FGGY: variants seen among roughly 807,000 people sequenced by gnomAD.
The protein encoded by FGGY is FGGY carbohydrate kinase domain containing.
In FGGY, 72 loss-of-function variants were observed where a neutral mutation model predicts 71.3. The ratio of observed to expected loss-of-function variants is 1.01; its 90% CI spans 0.84 to 1.23. FGGY has a LOEUF of 1.23. Among genes scored for constraint, FGGY ranks in the 50% most tolerant of loss-of-function variants. The pLI is 0.00. For synonymous variants in FGGY, 251 were observed against 250.3 expected (o/e 1.00, Z -0.02); for missense variants, 668 against 682.3 (o/e 0.98, Z 0.23).
intron 14 of FGGY, among the ~76,000 whole-genome samples, chr1:59,693,214 A>G (rs1289499976): frequency 6.6e-6 from 1 of 152,258 alleles, no homozygotes; most frequent in African/African-American, 2.4e-5. Flanking sequence ...CGTGCTAGAA[A>G]GAGTTTGCAT....
intron 6 of FGGY, among the ~76,000 whole-genome samples, chr1:59,493,096 A>AACAC (rs3035371): frequency 0.3 from 42,867 of 142,956 alleles, 6,820 homozygotes; most frequent in East Asian, 0.51. Context: ...TACCAAACAA[A>AACAC]ACACACACAC....
At chr1:59,496,039 T>C (rs2094019706) in intron 6 of FGGY, among the ~76,000 whole-genome samples, 1 of 152,230 alleles carries the variant, frequency 6.6e-6, no homozygotes, top group African/African-American at 2.4e-5. Context: ...GGCAGTTTGA[T>C]GGGAATAGCA....
rs542472202 is a variant in FGGY, at chr1:59,522,556, G to A, written c.799+10117G>A. The stretch of plus-strand genomic sequence containing the variant: ...TGGGATGCGTAGCTATTGGGGTTGT[G>A]TGGTGGAGAGATAAACAATATTAAT... On this transcript the variant is annotated intron_variant, in intron 7 of 15. Coordinates refer to ENST00000303721, the MANE Select transcript of FGGY (RefSeq NM_018291.5). 6.6e-5 allele frequency among the ~76,000 whole-genome samples: 10 copies of A among 152,290 alleles called. No homozygotes were observed. In the South Asian group the frequency reaches 1.5e-3, roughly 22 times the overall value.
chr1:59,659,635 T>C (rs2097256171), intron 11 of FGGY, among the ~76,000 whole-genome samples: 1 of 152,190 alleles, frequency 6.6e-6, no homozygotes, highest in Non-Finnish European at 1.5e-5. Flanking sequence ...GGCATCCTGT[T>C]CAGTTCTGGA....
intron 7 of FGGY, among the ~76,000 whole-genome samples, chr1:59,536,885 A>G (rs1180266682): frequency 6.6e-6 from 1 of 152,112 alleles, no homozygotes; most frequent in South Asian, 2.1e-4. Flanking sequence ...CCCACAGCCA[A>G]TATCATACTG....
intron 14 of FGGY, among the ~76,000 whole-genome samples, chr1:59,711,523 T>G (rs749196335): frequency 6.6e-6 from 1 of 152,216 alleles, no homozygotes; most frequent in Non-Finnish European, 1.5e-5. Flanking sequence ...TGGATAGAGC[T>G]CTGTGCATTG....
intron 8 of FGGY, among the ~76,000 whole-genome samples, chr1:59,606,881 ATTTG>A (rs2096628983): frequency 6.9e-6 from 1 of 144,740 alleles, no homozygotes; most frequent in African/African-American, 2.9e-5. Context: ...ACTATATTCT[ATTTG>A]TCTATTTTTT....
chr1:59,490,776 T>C (rs2093805922), intron 6 of FGGY, among the ~76,000 whole-genome samples: 1 of 152,098 alleles, frequency 6.6e-6, no homozygotes, highest in Admixed American at 6.6e-5. Context: ...TTGACAAGAC[T>C]GTCCTTTCAA....
intron 14 of FGGY, among the ~76,000 whole-genome samples, chr1:59,707,462 T>C (rs947662370): frequency 1.1e-4 from 17 of 152,312 alleles, no homozygotes; most frequent in African/African-American, 1.7e-4. Context: ...ACAGGGGCAG[T>C]AGGCCCGGAG....
At chr1:59,731,987 A>G (rs2098037160) in intron 14 of FGGY, among the ~76,000 whole-genome samples, 1 of 152,186 alleles carries the variant, frequency 6.6e-6, no homozygotes, top group East Asian at 1.9e-4. Flanking sequence ...TCTTGCACAG[A>G]GTAGCATCAG....
At chr1:59,665,877 A>G (rs756559890) in intron 12 of FGGY, among the ~76,000 whole-genome samples, 14 of 152,082 alleles carry the variant, frequency 9.2e-5, no homozygotes, top group East Asian at 3.9e-4. Context: ...GTTTCACCAT[A>G]TTAGCCAGGA....
intron 14 of FGGY, among the ~76,000 whole-genome samples, chr1:59,704,023 G>A (rs925032089): frequency 6.6e-6 from 1 of 152,136 alleles, no homozygotes; most frequent in Non-Finnish European, 1.5e-5. Context: ...AATCACTCTG[G>A]TTCATGATTC....
At chr1:59,605,653 T>A (rs1024732167) in intron 8 of FGGY, among the ~76,000 whole-genome samples, 1 of 152,230 alleles carries the variant, frequency 6.6e-6, no homozygotes, top group Non-Finnish European at 1.5e-5. Flanking sequence ...AAGTTCACAA[T>A]GTTATGCTGT....
chr1:59,592,118 G>A (rs1016828683), intron 8 of FGGY, among the ~76,000 whole-genome samples: 1 of 152,058 alleles, frequency 6.6e-6, no homozygotes, highest in East Asian at 1.9e-4. Context: ...TCAAAAAGTG[G>A]GCAAAGGACA....
chr1:59,664,704 A>G (rs1046226592), intron 12 of FGGY, among the ~76,000 whole-genome samples: 11 of 152,262 alleles, frequency 7.2e-5, no homozygotes, highest in Non-Finnish European at 1.0e-4. Context: ...TAAAGTGCAT[A>G]GCAGAGTGCC....
At chr1:59,543,707 CT>C (rs557411568) in intron 7 of FGGY, among the ~76,000 whole-genome samples, 32 of 147,848 alleles carry the variant, frequency 2.2e-4, no homozygotes, top group South Asian at 6.4e-4. Context: ...AAATTTCAGG[CT>C]TTTTTTTTTA....
intron 8 of FGGY, among the ~76,000 whole-genome samples, chr1:59,570,103 T>A (rs771200506): frequency 6.6e-6 from 1 of 152,192 alleles, no homozygotes; most frequent in Non-Finnish European, 1.5e-5. Context: ...CCTGGGTAAC[T>A]GTTTTAAAAA....
intron 4 of FGGY, among the ~76,000 whole-genome samples, chr1:59,377,241 G>A (rs969087470): frequency 5.9e-5 from 9 of 152,156 alleles, no homozygotes; most frequent in African/African-American, 2.2e-4. Flanking sequence ...AAAGACTTTT[G>A]TATTAGTCTG....
At chr1:59,731,689 A>C (rs1269091253) in intron 14 of FGGY, among the ~76,000 whole-genome samples, 2 of 152,134 alleles carry the variant, frequency 1.3e-5, no homozygotes, top group Admixed American at 6.5e-5. Context: ...TGTTAGTGAC[A>C]GTCTGGTCAT....
Sources: allele counts gnomAD v4.1 joint callset (sites outside exome capture counted in the v4.1 genomes callset), GRCh38; gene constraint gnomAD v4.1.1; transcripts MANE v1.5; gene names NCBI Gene and HGNC (gene_info 2026-07-23, HGNC 2026-07-21).